NKAIN2: variants seen among roughly 807,000 people sequenced by gnomAD.
The protein encoded by NKAIN2 is sodium/potassium-transporting ATPase subunit beta-1-interacting protein 2.
In NKAIN2, 14 loss-of-function variants were observed where a neutral mutation model predicts 32.6. The ratio of observed to expected loss-of-function variants is 0.43; its 90% CI spans 0.28 to 0.67. The LOEUF (loss-of-function observed/expected upper bound fraction) is 0.67. Ranked by LOEUF, NKAIN2 falls within the 30% of genes least tolerant of loss-of-function variation. The pLI is 0.17. For synonymous variants in NKAIN2, 80 were observed against 87.2 expected (o/e 0.92, Z 0.46); for missense variants, 198 against 258.3 (o/e 0.77, Z 1.60).
intron 3 of NKAIN2, among the ~76,000 whole-genome samples, chr6:124,388,134 C>A (rs1458739284): frequency 6.6e-6 from 1 of 151,838 alleles, no homozygotes; most frequent in Admixed American, 6.6e-5. Context: ...GGTTCAATAC[C>A]CTAGATCTAG....
At chr6:123,845,908 A>C (rs939979029) in intron 1 of NKAIN2, among the ~76,000 whole-genome samples, 1 of 152,142 alleles carries the variant, frequency 6.6e-6, no homozygotes, top group Non-Finnish European at 1.5e-5. Context: ...CATATATACA[A>C]ATTACTTCCC....
At chr6:124,740,254 A>G (rs1380442797) in intron 4 of NKAIN2, among the ~76,000 whole-genome samples, 2 of 151,678 alleles carry the variant, frequency 1.3e-5, no homozygotes, top group Admixed American at 6.6e-5. Context: ...GTTCATAGCC[A>G]CATAATCTTC....
intron 1 of NKAIN2, among the ~76,000 whole-genome samples, chr6:123,913,362 G>A (rs944628333): frequency 6.6e-6 from 1 of 152,158 alleles, no homozygotes; most frequent in African/African-American, 2.4e-5. Flanking sequence ...AGCAAGTAAT[G>A]CTCACCTTCC....
Position 124,178,010 on chromosome 6 carries a change from C to G in NKAIN2, c.55-104995C>G, listed in dbSNP as rs1451124245. On this transcript the variant is annotated intron_variant, in intron 1 of 6. Transcript: ENST00000368417. ...GTTTTAGCCGGGATGGTCTCGATCT[C>G]CTGACCTCGTGATCCGCCCGCCTCG... is the stretch of plus-strand genomic sequence containing the variant. 9.2e-4 allele frequency among the ~76,000 whole-genome samples: 3 copies of G among 3,278 alleles called. 1 individual carries two copies. The highest frequency in any genetic ancestry group is 2.4e-3 in the Non-Finnish European group (3 of 1,248). The allele number at this position is 3,278 out of a possible 152,430, so 2.2% of individuals were successfully genotyped here. A position where few individuals can be genotyped will look rare whatever the true frequency, so the allele number is the denominator to read the frequency against.
intron 1 of NKAIN2, among the ~76,000 whole-genome samples, chr6:124,163,611 G>C (rs1009137405): frequency 6.6e-6 from 1 of 151,910 alleles, no homozygotes; most frequent in African/African-American, 2.4e-5. Flanking sequence ...TCTGATGTCC[G>C]CATTCTTACT....
intron 1 of NKAIN2, among the ~76,000 whole-genome samples, chr6:124,230,559 T>C (rs1792394077): frequency 1.3e-5 from 2 of 152,120 alleles, no homozygotes; most frequent in African/African-American, 4.8e-5. Flanking sequence ...GAAAAATGGT[T>C]TCATGGGATG....
At chr6:124,632,297 T>C (rs1330612718) in intron 3 of NKAIN2, among the ~76,000 whole-genome samples, 1 of 152,030 alleles carries the variant, frequency 6.6e-6, no homozygotes, top group Admixed American at 6.6e-5. Context: ...ATAGACAAAA[T>C]GAAATAAAAA....
At chr6:124,322,098 A>G (rs1797220679) in intron 2 of NKAIN2, among the ~76,000 whole-genome samples, 1 of 152,192 alleles carries the variant, frequency 6.6e-6, no homozygotes, top group Non-Finnish European at 1.5e-5. Context: ...CAACCAAAAG[A>G]TAAGAACAAA....
intron 3 of NKAIN2, among the ~76,000 whole-genome samples, chr6:124,626,519 T>C (rs1407455986): frequency 1.3e-5 from 2 of 152,142 alleles, no homozygotes; most frequent in Non-Finnish European, 2.9e-5. Context: ...ATCTATTTAG[T>C]ACACATTTAA....
At chr6:124,023,815 G>C (rs4895983) in intron 1 of NKAIN2, among the ~76,000 whole-genome samples, 37,786 of 151,918 alleles carry the variant, frequency 0.25, 6,372 homozygotes, top group African/African-American at 0.48. Flanking sequence ...GGATGTGAAG[G>C]CAAATAGTTG....
chr6:124,366,687 A>T lies in NKAIN2; in HGVS notation c.273+11340A>T, dbSNP rs139299312. Among the ~76,000 whole-genome samples, 112 of 152,242 alleles carry T rather than the reference A, an allele frequency of 7.4e-4. 1 individual carries two copies. The highest frequency in any genetic ancestry group is 2.5e-3 in the African/African-American group (106 of 41,574). On this transcript the variant is annotated intron_variant, in intron 3 of 6. Transcript: ENST00000368417. Reference sequence around the variant, plus strand: ...CACGGTGGCTCATGCCTATAATCCCAGAACTTTGGGAGGCTGAGGTGGGTG... The same window carrying T: ...CACGGTGGCTCATGCCTATAATCCCTGAACTTTGGGAGGCTGAGGTGGGTG...
chr6:123,863,729 C>G (rs1225839602), intron 1 of NKAIN2, among the ~76,000 whole-genome samples: 1 of 152,174 alleles, frequency 6.6e-6, no homozygotes, highest in Non-Finnish European at 1.5e-5. Flanking sequence ...ATATGCTGCT[C>G]TTAGGACAAC....
intron 3 of NKAIN2, among the ~76,000 whole-genome samples, chr6:124,435,223 T>G (rs183533981): frequency 7.9e-5 from 12 of 152,078 alleles, no homozygotes; most frequent in Non-Finnish European, 4.4e-5. Context: ...AGACAAGAAA[T>G]AGCTAGAATG....
chr6:124,013,448 C>T (rs9375305), intron 1 of NKAIN2, among the ~76,000 whole-genome samples: 16,083 of 152,116 alleles, frequency 0.11, 1,424 homozygotes, highest in African/African-American at 0.24. Flanking sequence ...CATAGATAGG[C>T]ATGTCATTTC....
intron 1 of NKAIN2, among the ~76,000 whole-genome samples, chr6:123,852,804 C>A (rs888861206): frequency 1.3e-5 from 2 of 152,080 alleles, no homozygotes; most frequent in African/African-American, 4.8e-5. Context: ...TCTTCTTATC[C>A]CTTCCTGAAC....
intron 1 of NKAIN2, among the ~76,000 whole-genome samples, chr6:124,171,918 C>T (rs1202697185): frequency 7.1e-6 from 1 of 139,930 alleles, no homozygotes; most frequent in Non-Finnish European, 1.5e-5. Flanking sequence ...ATGATCTCCA[C>T]TCACTTGCCT....
intron 5 of NKAIN2, among the ~76,000 whole-genome samples, chr6:124,792,803 C>T (rs988492166): frequency 5.9e-5 from 9 of 151,946 alleles, no homozygotes; most frequent in African/African-American, 9.7e-5. Context: ...TCCTGTGCTA[C>T]AGGTAGACAG....
intron 1 of NKAIN2, among the ~76,000 whole-genome samples, chr6:124,146,348 T>C (rs1787401109): frequency 6.6e-6 from 1 of 152,214 alleles, no homozygotes; most frequent in Non-Finnish European, 1.5e-5. Context: ...TAAATTTTAA[T>C]TAAATTACTT....
chr6:124,267,231 A>G (rs749109349), intron 1 of NKAIN2, among the ~76,000 whole-genome samples: 2 of 152,204 alleles, frequency 1.3e-5, no homozygotes, highest in East Asian at 3.9e-4. Flanking sequence ...TATCTATGAC[A>G]AGAAAATTGC....
Sources: gnomAD v4.1 joint callset for allele counts (sites outside exome capture counted in the v4.1 genomes callset) on GRCh38, gnomAD v4.1.1 for gene constraint, MANE v1.5 for transcripts, NCBI Gene and HGNC (gene_info 2026-07-23, HGNC 2026-07-21) for gene names.